The following JADE3 variants were observed in gnomAD, a reference collection of about 807,000 sequenced individuals.
JADE3 encodes the protein jade family PHD finger 3.
A neutral mutation model predicts 50.1 loss-of-function variants in JADE3; 2 were observed. That is an observed-to-expected ratio of 0.04 (90% confidence interval 0.02 to 0.13). The LOEUF is 0.13. Among genes scored for constraint, JADE3 ranks in the 10% least tolerant of loss-of-function variants. The probability of loss-of-function intolerance (pLI) is 1.00; values close to 1 mark genes in which losing one functional copy is unlikely to be tolerated. For synonymous variants in JADE3, 218 were observed against 232.9 expected, an observed-to-expected ratio of 0.94 and a Z score of 0.58; for missense variants, 475 against 634.4, an observed-to-expected ratio of 0.75 and a Z score of 2.70.
At chrX:47,032,992 A>G (rs1473340247) in intron 6 of JADE3, among the ~76,000 whole-genome samples, 5 of 111,842 alleles carry the variant, frequency 4.5e-5, no homozygotes, top group Non-Finnish European at 9.4e-5. Context: ...TTATTTGTCC[A>G]ACTTCATTCC....
At chrX:46,928,878 G>A (rs1216741048) in intron 1 of JADE3, among the ~76,000 whole-genome samples, 2 of 111,935 alleles carry the variant, frequency 1.8e-5, no homozygotes, top group Admixed American at 1.9e-4. Flanking sequence ...CTCCCAAAGT[G>A]CTGAGATTAC....
chrX:46,936,104 C>T (rs1349601813), intron 1 of JADE3, among the ~76,000 whole-genome samples: 5 of 108,133 alleles, frequency 4.6e-5, no homozygotes, highest in African/African-American at 1.7e-4. Flanking sequence ...CTGAAACCTC[C>T]GCTTCCTGGG....
rs1927829886 is a variant in JADE3, at chrX:46,984,890, C to T, written c.-5C>T. Reference sequence around the variant, plus strand: ...GTGTTTTTCTTTTTCCCAGGATGCTCCAGGATGAAACGCCATAGGCCTGTC... The same window carrying T: ...GTGTTTTTCTTTTTCCCAGGATGCTTCAGGATGAAACGCCATAGGCCTGTC... On this transcript the variant is annotated 5_prime_UTR_variant, in exon 2 of 11. Coordinates refer to ENST00000614628, the MANE Select transcript of JADE3 (RefSeq NM_014735.5). 8.3e-7 allele frequency: 1 copy of T among 1,207,552 alleles called. No individual in the cohort carries two copies. Among genetic ancestry groups the T allele is most frequent in the African/African-American group, 1.7e-5 (1 of 57,680 alleles).
intron 4 of JADE3, among the ~76,000 whole-genome samples, chrX:47,019,248 G>T (rs942264309): frequency 6.3e-5 from 7 of 111,852 alleles, no homozygotes; most frequent in Non-Finnish European, 1.1e-4. Context: ...ACCATCTGTC[G>T]CAGGGGTTAT....
Position 47,028,080 on chromosome X carries a change from A to G in JADE3, c.664A>G (p.Lys222Glu). 1 of 1,205,748 alleles carries G rather than the reference A, an allele frequency of 8.3e-7. No homozygotes were observed. Among genetic ancestry groups the G allele is most frequent in the Non-Finnish European group, 1.1e-6 (1 of 890,318 alleles). The change falls in exon 6 of 11, where the codon AAG becomes GAG. Residue 222 changes from lysine (K) to glutamate (E), a missense_variant. Coordinates refer to ENST00000614628, the MANE Select transcript of JADE3 (RefSeq NM_014735.5). ...EEGNDMVFCD[K>E]CNVCVHQACY... Reference sequence around the variant, plus strand: ...AGGGAATGATATGGTGTTCTGTGATAAGTGTAACGTCTGTGTGCATCAGGT... The same window carrying G: ...AGGGAATGATATGGTGTTCTGTGATGAGTGTAACGTCTGTGTGCATCAGGT...
intron 1 of JADE3, among the ~76,000 whole-genome samples, chrX:46,935,558 G>A (rs1277234922): frequency 9.1e-6 from 1 of 110,321 alleles, no homozygotes; most frequent in African/African-American, 3.3e-5. Context: ...ATTCTCATAG[G>A]AGCACAAACC....
chrX:46,985,325 C>G (rs782120743), intron 2 of JADE3, among the ~76,000 whole-genome samples: 2 of 112,090 alleles, frequency 1.8e-5, no homozygotes, highest in East Asian at 5.6e-4. Context: ...ACCTTATTAG[C>G]AATAGCCTTT....
In JADE3 at chrX:47,058,000, A is replaced by G. The variant is rs369981209; in HGVS notation, c.1562-167A>G. Among the ~76,000 whole-genome samples the G allele has an allele frequency of 8.1e-5, 9 of 111,251 alleles. No individual in the cohort carries two copies. The South Asian group carries it at 3.5e-3, about 43-fold the overall frequency. ...ATTGCTGAGTTCATTCTTGGCCCCA[A>G]CCTCTAGTTCAGCTCACTCCAGCTG... On this transcript the variant is annotated intron_variant, in intron 10 of 10. Coordinates refer to ENST00000614628, the MANE Select transcript of JADE3 (RefSeq NM_014735.5).
chrX:47,058,055 C>G lies in JADE3; in HGVS notation c.1562-112C>G, dbSNP rs1366709951. On this transcript the variant is annotated intron_variant, in intron 10 of 10. Coordinates refer to ENST00000614628, the MANE Select transcript of JADE3 (RefSeq NM_014735.5). ...ACCATGATATACATACATAGCAGAG[C>G]CAGGTGCTTGTTAAACATTTGGAAG... 4.9e-6 allele frequency: 3 copies of G among 615,150 alleles called. No individual in the cohort carries two copies. The African/African-American group carries it at 6.9e-5, about 14-fold the overall frequency. The allele number at this position is 615,150 out of a possible 1,213,427, so 50.7% of individuals were successfully genotyped here.
chrX:46,970,621 C>T (rs1434892324), intron 1 of JADE3, among the ~76,000 whole-genome samples: 1 of 111,737 alleles, frequency 8.9e-6, no homozygotes, highest in African/African-American at 3.3e-5. Flanking sequence ...CAGTACAGTG[C>T]CTGCCCTCTG....
chrX:46,920,946 T>A (rs1260224849), intron 1 of JADE3, among the ~76,000 whole-genome samples: 6 of 112,225 alleles, frequency 5.3e-5, no homozygotes, highest in Admixed American at 9.4e-5. Context: ...AGTTACTTTT[T>A]AAAAAAATTT....
rs140782937 is a variant in JADE3, at chrX:47,054,457, G to A, written c.1272G>A (p.Thr424=). 166 of 1,208,962 alleles carry A rather than the reference G, an allele frequency of 1.4e-4. No homozygotes were observed. The highest frequency in any genetic ancestry group is 1.3e-3 in the African/African-American group (73 of 57,220). The change falls in exon 9 of 11, where the codon ACG becomes ACA. Residue 424 remains threonine (T), a synonymous_variant. Coordinates refer to ENST00000614628, the MANE Select transcript of JADE3 (RefSeq NM_014735.5). Reference sequence around the variant, plus strand: ...TGGCCGCAGAGCTGGGTATGCCCACGCTAGCTGTGGACTTTATCTATAACT... The same window carrying A: ...TGGCCGCAGAGCTGGGTATGCCCACACTAGCTGTGGACTTTATCTATAACT... The part of the protein sequence containing the change: ...EDVAAELGMP[T]LAVDFIYNYW...
chrX:46,997,444 G>A (rs1928156704), intron 3 of JADE3, among the ~76,000 whole-genome samples: 1 of 112,036 alleles, frequency 8.9e-6, no homozygotes, highest in South Asian at 3.7e-4. Context: ...CTTGAGCCTG[G>A]GAGGCAGAGG....
chrX:47,057,397 T>A (rs1330686918), intron 10 of JADE3, among the ~76,000 whole-genome samples: 1 of 111,560 alleles, frequency 9.0e-6, no homozygotes, highest in African/African-American at 3.3e-5. Context: ...TTCAAAGTAC[T>A]TGAAATAATA....
At position 46,912,498 on chromosome X, in the gene JADE3, C is replaced by G. The variant is rs1300279114; in HGVS notation, c.-233C>G. 8.9e-6 allele frequency: 1 copy of G among 112,143 alleles called. No individual in the cohort carries two copies. Among genetic ancestry groups the G allele is most frequent in the Admixed American group, 9.3e-5 (1 of 10,755 alleles). 9.2% of individuals were successfully genotyped at this position (112,143 alleles called of 1,213,427 possible). ...CCAACCGCCTGCCCAGCGCTGAGGC[C>G]TGACGGGCCGGGCGGACGAGGGCCG... On this transcript the variant is annotated 5_prime_UTR_variant, in exon 1 of 11. Coordinates refer to ENST00000614628, the MANE Select transcript of JADE3 (RefSeq NM_014735.5).
At chrX:46,980,408 A>T (rs1198706582) in intron 1 of JADE3, among the ~76,000 whole-genome samples, 2 of 110,964 alleles carry the variant, frequency 1.8e-5, no homozygotes, top group African/African-American at 6.6e-5. Flanking sequence ...CCAGCATTTG[A>T]TATTACACGT....
In JADE3 at chrX:47,049,059, C is replaced by T. The variant is rs782415778; in HGVS notation, c.973-5099C>T. On this transcript the variant is annotated intron_variant, in intron 8 of 10. Coordinates refer to ENST00000614628, the MANE Select transcript of JADE3 (RefSeq NM_014735.5). ...ATAATAAAACCTCTCTATCACCTTCCGTGGTTACAGTGGAAATAAGTGAGA... is the reference window on the plus strand; with the variant it reads ...ATAATAAAACCTCTCTATCACCTTCTGTGGTTACAGTGGAAATAAGTGAGA... 3.6e-5 allele frequency among the ~76,000 whole-genome samples: 4 copies of T among 111,179 alleles called. No individual in the cohort carries two copies. The South Asian group carries it at 1.5e-3, about 42-fold the overall frequency.
At chrX:47,014,944 CTCTTA>C (rs1233466309) in intron 4 of JADE3, among the ~76,000 whole-genome samples, 5 of 112,093 alleles carry the variant, frequency 4.5e-5, no homozygotes, top group African/African-American at 1.6e-4. Flanking sequence ...AGATTTAAAA[CTCTTA>C]TCTTCAGTGA....
At chrX:46,977,983 G>A (rs1556351969) in intron 1 of JADE3, among the ~76,000 whole-genome samples, 3 of 111,707 alleles carry the variant, frequency 2.7e-5, no homozygotes, top group South Asian at 3.7e-4. Context: ...GCAGCACAGT[G>A]TGTTATTCCT....
Sources: gnomAD v4.1 joint callset for allele counts (sites outside exome capture counted in the v4.1 genomes callset) on GRCh38, gnomAD v4.1.1 for gene constraint, MANE v1.5 for transcripts, NCBI Gene and HGNC (gene_info 2026-07-23, HGNC 2026-07-21) for gene names.